STX8: variants seen among roughly 807,000 people sequenced by gnomAD.
STX8 encodes the protein syntaxin-8.
Under a neutral mutation model 37.5 loss-of-function variants are expected in STX8, and 23 were observed. The ratio of observed to expected loss-of-function variants is 0.61; its 90% CI spans 0.44 to 0.87. STX8 has a LOEUF of 0.87. STX8 is among the 40% of genes least tolerant of loss of function. The probability of loss-of-function intolerance (pLI) is 0.00; values close to 1 mark genes in which losing one functional copy is unlikely to be tolerated. For synonymous variants in STX8, 115 were observed against 99.1 expected, an observed-to-expected ratio of 1.16 and a Z score of -0.95; for missense variants, 313 against 284.7, an observed-to-expected ratio of 1.10 and a Z score of -0.71.
chr17:9,333,391 T>G (rs966456640), intron 7 of STX8, among the ~76,000 whole-genome samples: 3 of 152,170 alleles, frequency 2.0e-5, no homozygotes, highest in Non-Finnish European at 2.9e-5. Flanking sequence ...TAAAATAACT[T>G]ATTTTATTTT....
At chr17:9,572,014 TTATAC>T (rs1204416397) in intron 1 of STX8, among the ~76,000 whole-genome samples, 1 of 152,130 alleles carries the variant, frequency 6.6e-6, no homozygotes, top group African/African-American at 2.4e-5. Context: ...AAGGGGCCCA[TTATAC>T]TATTCTAGTT....
At chr17:9,388,070 ATTTTT>A (rs573146328) in intron 6 of STX8, among the ~76,000 whole-genome samples, 4 of 130,306 alleles carry the variant, frequency 3.1e-5, no homozygotes, top group African/African-American at 1.1e-4. Flanking sequence ...AAACAACTCT[ATTTTT>A]TTTTTTTTTT....
intron 7 of STX8, among the ~76,000 whole-genome samples, chr17:9,348,980 A>G (rs1367838883): frequency 6.6e-6 from 1 of 152,170 alleles, no homozygotes; most frequent in Non-Finnish European, 1.5e-5. Context: ...TTTCCTATAC[A>G]TACATACCTA....
intron 7 of STX8, among the ~76,000 whole-genome samples, chr17:9,325,378 T>G (rs1909719355): frequency 2.0e-5 from 3 of 152,154 alleles, no homozygotes; most frequent in Non-Finnish European, 2.9e-5. Context: ...GTATAGTGTA[T>G]GAATGAAACC....
At position 9,258,220 on chromosome 17, in the gene STX8, C is replaced by A. The variant is rs185263414; in HGVS notation, c.644-7575G>T. On this transcript the variant is annotated intron_variant, in intron 7 of 7. Transcript: ENST00000306357. Reference sequence around the variant, plus strand: ...TGATCAGTCTCACTGTTCAAACAGACTTTTCACGGCAGACTCCTGAGCTGA... The same window carrying A: ...TGATCAGTCTCACTGTTCAAACAGAATTTTCACGGCAGACTCCTGAGCTGA... 3.5e-3 allele frequency among the ~76,000 whole-genome samples: 537 copies of A among 152,296 alleles called. 2 individuals carry two copies. The highest frequency in any genetic ancestry group is 0.012 in the African/African-American group (505 of 41,572).
chr17:9,534,585 T>C (rs113156848), intron 4 of STX8, among the ~76,000 whole-genome samples: 7,050 of 152,122 alleles, frequency 0.046, 592 homozygotes, highest in African/African-American at 0.16. Flanking sequence ...GGTCAAGAGA[T>C]TGAGACCATC....
chr17:9,531,310 C>T (rs921172277), intron 4 of STX8, among the ~76,000 whole-genome samples: 11 of 152,234 alleles, frequency 7.2e-5, no homozygotes, highest in East Asian at 5.8e-4. Flanking sequence ...AGTGGCAAAA[C>T]GGAAACAAAA....
At chr17:9,360,715 C>T (rs1247250695) in intron 7 of STX8, among the ~76,000 whole-genome samples, 2 of 145,650 alleles carry the variant, frequency 1.4e-5, no homozygotes, top group African/African-American at 5.1e-5. Flanking sequence ...TTGAAAGCAA[C>T]GACCGTTTTA....
chr17:9,327,399 G>A (rs1172112584), intron 7 of STX8, among the ~76,000 whole-genome samples: 1 of 151,630 alleles, frequency 6.6e-6, no homozygotes, highest in Non-Finnish European at 1.5e-5. Flanking sequence ...AGAGGGAGAA[G>A]GAGAAGAAGA....
chr17:9,250,795 G>C, intron 7 of STX8, 150 bp from the exon 8 acceptor site: 4 of 788,692 alleles, frequency 5.1e-6, no homozygotes, highest in Non-Finnish European at 8.1e-6. Context: ...GTGGCCTGGG[G>C]CGCCGCTGCT....
chr17:9,383,795 A>G (rs796632586), intron 6 of STX8, among the ~76,000 whole-genome samples: 25 of 152,370 alleles, frequency 1.6e-4, no homozygotes, highest in African/African-American at 5.3e-4. Context: ...AGTAAAAGGC[A>G]ATATATTTCT....
At chr17:9,460,912 C>A (rs1177655021) in intron 6 of STX8, among the ~76,000 whole-genome samples, 1 of 151,010 alleles carries the variant, frequency 6.6e-6, no homozygotes, top group Non-Finnish European at 1.5e-5. Flanking sequence ...ATACTAACTT[C>A]ATAAGGTGGT....
At chr17:9,252,673 A>G (rs1237987161) in intron 7 of STX8, among the ~76,000 whole-genome samples, 1 of 151,340 alleles carries the variant, frequency 6.6e-6, no homozygotes, top group Non-Finnish European at 1.5e-5. Flanking sequence ...TTTGTCATCT[A>G]CCTGTGACTG....
intron 4 of STX8, among the ~76,000 whole-genome samples, chr17:9,515,956 G>GA (rs1208423515): frequency 6.6e-6 from 1 of 152,140 alleles, no homozygotes; most frequent in African/African-American, 2.4e-5. Flanking sequence ...GGGAAGGAAA[G>GA]AAGAAAATTC....
chr17:9,549,949 C>T (rs533218972), intron 3 of STX8, among the ~76,000 whole-genome samples: 3 of 152,058 alleles, frequency 2.0e-5, no homozygotes, highest in Non-Finnish European at 2.9e-5. Flanking sequence ...ACAGGCCAAG[C>T]GCGGTGGCTC....
intron 4 of STX8, among the ~76,000 whole-genome samples, chr17:9,532,361 G>A (rs1192177261): frequency 7.9e-5 from 12 of 152,138 alleles, no homozygotes; most frequent in African/African-American, 2.2e-4. Context: ...AAAAGATGAC[G>A]TGCAGTAAAG....
At chr17:9,386,459 A>G (rs975964019) in intron 6 of STX8, among the ~76,000 whole-genome samples, 1 of 152,052 alleles carries the variant, frequency 6.6e-6, no homozygotes, top group African/African-American at 2.4e-5. Context: ...TTCTGGGAGG[A>G]TGGAAATGTT....
chr17:9,338,410 G>A (rs868849486), intron 7 of STX8, among the ~76,000 whole-genome samples: 1 of 152,052 alleles, frequency 6.6e-6, no homozygotes, highest in Non-Finnish European at 1.5e-5. Flanking sequence ...GAAGACACAT[G>A]GTGCTTCAGC....
intron 6 of STX8, among the ~76,000 whole-genome samples, chr17:9,440,390 T>G (rs1904598264): frequency 6.6e-6 from 1 of 152,138 alleles, no homozygotes; most frequent in Non-Finnish European, 1.5e-5. Context: ...CTCTCAAATG[T>G]GTCCCCTGCT....
Sources: gnomAD v4.1 joint callset for allele counts (sites outside exome capture counted in the v4.1 genomes callset) on GRCh38, gnomAD v4.1.1 for gene constraint, MANE v1.5 for transcripts, NCBI Gene and HGNC (gene_info 2026-07-23, HGNC 2026-07-21) for gene names.